Variants in RSBN1L observed in about 807,000 individuals in gnomAD.
RSBN1L encodes lysine-specific demethylase RSBN1L.
In RSBN1L, 30 loss-of-function variants were observed where a neutral mutation model predicts 67.7. That is an observed-to-expected ratio of 0.44 (90% CI 0.33 to 0.60). RSBN1L has a LOEUF of 0.60. Among genes scored for constraint, RSBN1L ranks in the 20% least tolerant of loss-of-function variants. The pLI is 0.02. For missense variants in RSBN1L, 992 were observed against 1,031.7 expected (o/e 0.96, Z 0.53); for synonymous variants, 433 against 387.0 (o/e 1.12, Z -1.39).
chr7:77,723,519 A>G (rs942336880), intron 1 of RSBN1L, among the ~76,000 whole-genome samples: 1 of 152,076 alleles, frequency 6.6e-6, no homozygotes, highest in South Asian at 2.1e-4. Context: ...CCCAGACTGG[A>G]GTGCAGTGGC....
intron 3 of RSBN1L, among the ~76,000 whole-genome samples, chr7:77,764,641 T>C (rs1323277034): frequency 1.3e-5 from 2 of 152,062 alleles, no homozygotes; most frequent in Non-Finnish European, 2.9e-5. Context: ...CTTTTTTTTT[T>C]TTTGAGACAT....
chr7:77,765,743 A>C, intron 4 of RSBN1L, 111 bp downstream of exon 4: 1 of 761,630 alleles, frequency 1.3e-6, no homozygotes, highest in Non-Finnish European at 2.0e-6. Context: ...TGCAATATAA[A>C]TGAATGGCTG....
chr7:77,719,376 G>C (rs1791087211), intron 1 of RSBN1L, among the ~76,000 whole-genome samples: 1 of 152,144 alleles, frequency 6.6e-6, no homozygotes. Flanking sequence ...CACACATATT[G>C]TTATCATTAA....
chr7:77,742,752 G>A (rs531374503), intron 2 of RSBN1L, among the ~76,000 whole-genome samples: 19 of 152,152 alleles, frequency 1.2e-4, no homozygotes, highest in Non-Finnish European at 2.4e-4. Context: ...CAGGAGAATC[G>A]CTTGAACCCA....
intron 3 of RSBN1L, among the ~76,000 whole-genome samples, chr7:77,764,682 A>G (rs1791739266): frequency 6.6e-6 from 1 of 151,004 alleles, no homozygotes. Context: ...GCTGGAGTGC[A>G]GTGGCACAAT....
intron 6 of RSBN1L, among the ~76,000 whole-genome samples, chr7:77,776,216 G>T (rs549916367): frequency 6.7e-6 from 1 of 148,248 alleles, no homozygotes; most frequent in Non-Finnish European, 1.5e-5. Context: ...GGATTTGCCT[G>T]TTTTTCCTGT....
intron 1 of RSBN1L, among the ~76,000 whole-genome samples, chr7:77,702,463 T>C (rs570192580): frequency 1.5e-4 from 23 of 152,198 alleles, no homozygotes; most frequent in Non-Finnish European, 3.1e-4. Flanking sequence ...TTGGTTGCTT[T>C]CTTTTAGTTG....
Position 77,780,851 on chromosome 7 carries a change from C to G in RSBN1L, c.*1683C>G, listed in dbSNP as rs903986482. On this transcript the variant is annotated 3_prime_UTR_variant, in exon 8 of 8. Coordinates refer to ENST00000334955, the MANE Select transcript of RSBN1L (RefSeq NM_198467.3). ...TTAATGATAGACTCACTATTTGACACTGCTTCTACTATTGTAATTAAAAAT... is the reference window on the plus strand; with the variant it reads ...TTAATGATAGACTCACTATTTGACAGTGCTTCTACTATTGTAATTAAAAAT... The G allele has an allele frequency of 6.6e-6, 1 of 152,194 alleles. No individual in the cohort carries two copies. The highest frequency in any genetic ancestry group is 1.9e-4 in the East Asian group (1 of 5,198). The allele number at this position is 152,194 out of a possible 1,614,324, so 9.4% of individuals were successfully genotyped here.
At chr7:77,751,071 A>T (rs1034072743) in intron 3 of RSBN1L, among the ~76,000 whole-genome samples, 1 of 152,202 alleles carries the variant, frequency 6.6e-6, no homozygotes, top group African/African-American at 2.4e-5. Context: ...AGTCACATCC[A>T]CATGTACCCC....
At chr7:77,758,657 C>G (rs1791653536) in intron 3 of RSBN1L, among the ~76,000 whole-genome samples, 1 of 152,132 alleles carries the variant, frequency 6.6e-6, no homozygotes, top group Non-Finnish European at 1.5e-5. Context: ...TCACATTGCA[C>G]AGGAGTGAGC....
Position 77,752,951 on chromosome 7 carries a change from G to A in RSBN1L, c.1344+2887G>A, listed in dbSNP as rs1791572939. On this transcript the variant is annotated intron_variant, in intron 3 of 7. Coordinates refer to ENST00000334955, the MANE Select transcript of RSBN1L (RefSeq NM_198467.3). ...GTCTCTTTTCTGTAGTATAACGTTT[G>A]TGAGATTCATCCATCTTGTGTGTAG... Among the ~76,000 whole-genome samples the A allele has an allele frequency of 5.3e-5, 8 of 152,332 alleles. No homozygotes were observed. The South Asian group carries it at 1.4e-3, about 28-fold the overall frequency.
chr7:77,769,408 A>C (rs547754589), intron 5 of RSBN1L, among the ~76,000 whole-genome samples: 52 of 152,344 alleles, frequency 3.4e-4, no homozygotes, highest in African/African-American at 1.2e-3. Flanking sequence ...GGGAAGAGGA[A>C]GATGTATTTA....
At chr7:77,727,105 G>A (rs1387478146) in intron 1 of RSBN1L, among the ~76,000 whole-genome samples, 1 of 78,828 alleles carries the variant, frequency 1.3e-5, no homozygotes, top group South Asian at 3.3e-4. Context: ...TTTTTTTTTT[G>A]AGATGGAGTT....
chr7:77,696,525 C>A lies in RSBN1L; in HGVS notation c.56C>A (p.Thr19Asn). ...HCVAAAAPTA[T>N]VSEKEPFGKL... The stretch of plus-strand genomic sequence containing the variant: ...GTCGCTGCCGCGGCCCCCACCGCCA[C>A]CGTCTCGGAGAAAGAACCGTTTGGC... The change falls in exon 1 of 8, where the codon ACC (threonine) becomes AAC (asparagine). Residue 19 changes from threonine to asparagine, a missense_variant. Coordinates refer to ENST00000334955, the MANE Select transcript of RSBN1L (RefSeq NM_198467.3). The A allele has an allele frequency of 2.5e-6, 4 of 1,613,904 alleles. No homozygotes were observed. The highest frequency in any genetic ancestry group is 1.7e-5 in the Admixed American group (1 of 60,028).
At chr7:77,731,382 C>T (rs1244189100) in intron 1 of RSBN1L, among the ~76,000 whole-genome samples, 3 of 152,008 alleles carry the variant, frequency 2.0e-5, no homozygotes, top group South Asian at 4.2e-4. Context: ...ACTACAGGCA[C>T]GCACCACCGT....
chr7:77,749,409 C>G lies in RSBN1L; in HGVS notation c.704-15C>G. 1 of 1,506,934 alleles carries G rather than the reference C, an allele frequency of 6.6e-7. No homozygotes were observed. Among genetic ancestry groups the G allele is most frequent in the Non-Finnish European group, 8.9e-7 (1 of 1,129,898 alleles). The allele number at this position is 1,506,934 out of a possible 1,614,324, so 93.3% of individuals were successfully genotyped here. ...AATTAAAATATGGAGTTTCAAAAAA[C>G]ATTTTTTCCAACAGGTGGGAAGGAG... On this transcript the variant is annotated splice_polypyrimidine_tract_variant and intron_variant, in intron 2 of 7. Coordinates refer to ENST00000334955, the MANE Select transcript of RSBN1L (RefSeq NM_198467.3).
chr7:77,775,970 C>T (rs1347373352), intron 6 of RSBN1L, among the ~76,000 whole-genome samples: 5 of 151,886 alleles, frequency 3.3e-5, no homozygotes, highest in African/African-American at 9.7e-5. Flanking sequence ...GCACAAGAAT[C>T]GCTTGAACCT....
intron 1 of RSBN1L, among the ~76,000 whole-genome samples, chr7:77,728,788 G>T (rs1430135436): frequency 6.6e-6 from 1 of 152,162 alleles, no homozygotes; most frequent in Admixed American, 6.5e-5. Flanking sequence ...TTTCTATGGG[G>T]TGCCTCGCAT....
At chr7:77,714,831 C>T (rs1791024795) in intron 1 of RSBN1L, among the ~76,000 whole-genome samples, 1 of 151,924 alleles carries the variant, frequency 6.6e-6, no homozygotes, top group African/African-American at 2.4e-5. Flanking sequence ...GGCATGGTGG[C>T]AGGCGCCTGT....
Sources: gnomAD v4.1 joint callset for allele counts (sites outside exome capture counted in the v4.1 genomes callset) on GRCh38, gnomAD v4.1.1 for gene constraint, MANE v1.5 for transcripts, NCBI Gene and HGNC (gene_info 2026-07-23, HGNC 2026-07-21) for gene names.